AP2A2: variants seen among roughly 807,000 people sequenced by gnomAD.
The protein encoded by AP2A2 is AP-2 complex subunit alpha-2.
In AP2A2, 32 loss-of-function variants were observed where a neutral mutation model predicts 104.2. The observed-to-expected ratio is 0.31, with a 90% CI of 0.23 to 0.41. The LOEUF is 0.41. Among genes scored for constraint, AP2A2 ranks in the 10% least tolerant of loss-of-function variants. AP2A2 has a pLI of 1.00. For missense variants in AP2A2, 912 were observed against 1,261.0 expected, an observed-to-expected ratio of 0.72 and a Z score of 4.19; for synonymous variants, 539 against 533.3, an observed-to-expected ratio of 1.01 and a Z score of -0.15.
At chr11:990,379 T>C (rs1013482941) in intron 10 of AP2A2, among the ~76,000 whole-genome samples, 8 of 152,104 alleles carry the variant, frequency 5.3e-5, no homozygotes, top group Non-Finnish European at 1.2e-4. Flanking sequence ...TGTGGCCTGG[T>C]GTCAGCACTT....
At chr11:949,710 G>A (rs1009891305) in intron 1 of AP2A2, among the ~76,000 whole-genome samples, 3 of 151,606 alleles carry the variant, frequency 2.0e-5, no homozygotes, top group South Asian at 2.1e-4. Context: ...GGGAGGCGGT[G>A]TTGGCAGTGA....
chr11:988,295 G>A (rs1001757768), intron 9 of AP2A2, among the ~76,000 whole-genome samples: 8 of 152,312 alleles, frequency 5.3e-5, no homozygotes, highest in Non-Finnish European at 8.8e-5. Context: ...AGGCATGGAC[G>A]AGCGGGCAGA....
chr11:1,004,851 C>T (rs778696369), intron 16 of AP2A2, among the ~76,000 whole-genome samples: 1 of 152,152 alleles, frequency 6.6e-6, no homozygotes, highest in African/African-American at 2.4e-5. Context: ...AAAAGAGTGT[C>T]TGCAGGGCGT....
At chr11:977,268 C>G (rs909796731) in intron 5 of AP2A2, 44 bp downstream of exon 5, 3 of 1,540,230 alleles carry the variant, frequency 1.9e-6, no homozygotes, top group Non-Finnish European at 1.8e-6. Flanking sequence ...CCCAGGTGAC[C>G]TTTGGGATGG....
intron 10 of AP2A2, among the ~76,000 whole-genome samples, chr11:989,441 G>A (rs552865078): frequency 1.2e-4 from 18 of 152,298 alleles, no homozygotes; most frequent in South Asian, 1.0e-3. Flanking sequence ...AGCCGTCTGC[G>A]CTGGGGCTGC....
At chr11:931,465 A>G (rs1853289305) in intron 1 of AP2A2, among the ~76,000 whole-genome samples, 1 of 152,226 alleles carries the variant, frequency 6.6e-6, no homozygotes, top group Non-Finnish European at 1.5e-5. Flanking sequence ...TGACTGCAAA[A>G]CAATCAGGAC....
At chr11:952,798 G>A (rs759127244) in intron 1 of AP2A2, among the ~76,000 whole-genome samples, 3 of 152,206 alleles carry the variant, frequency 2.0e-5, no homozygotes, top group South Asian at 2.1e-4. Context: ...GCTCCTCCCC[G>A]CTTCTCCTCA....
intron 6 of AP2A2, among the ~76,000 whole-genome samples, chr11:983,843 A>G (rs1855355109): frequency 6.6e-6 from 1 of 152,208 alleles, no homozygotes; most frequent in Non-Finnish European, 1.5e-5. Context: ...GTGTCACGGA[A>G]GTGCTGTGAT....
At chr11:938,193 C>T (rs1404869186) in intron 1 of AP2A2, among the ~76,000 whole-genome samples, 1 of 152,238 alleles carries the variant, frequency 6.6e-6, no homozygotes, top group African/African-American at 2.4e-5. Context: ...CCGGCTGGTG[C>T]CGCACGAAGG....
chr11:987,669 A>T (rs1222029714), intron 9 of AP2A2, among the ~76,000 whole-genome samples: 2 of 151,880 alleles, frequency 1.3e-5, no homozygotes, highest in African/African-American at 4.8e-5. Context: ...AAAAAAAAAA[A>T]TTTCAGAGTT....
chr11:959,416 G>C (rs1242735859), intron 1 of AP2A2, 21 bp from the exon 2 acceptor site: 2 of 1,464,058 alleles, frequency 1.4e-6, no homozygotes, highest in Non-Finnish European at 1.9e-6. Context: ...AATAAAAATG[G>C]CTTTTTGTTC....
At chr11:939,058 C>T (rs1215820902) in intron 1 of AP2A2, among the ~76,000 whole-genome samples, 1 of 151,652 alleles carries the variant, frequency 6.6e-6, no homozygotes, top group Non-Finnish European at 1.5e-5. Flanking sequence ...TTGAGACCAG[C>T]CTGGCCAATA....
intron 5 of AP2A2, among the ~76,000 whole-genome samples, chr11:979,363 G>A (rs1260313357): frequency 6.6e-6 from 1 of 151,770 alleles, no homozygotes; most frequent in Non-Finnish European, 1.5e-5. Flanking sequence ...AAATCCGTTA[G>A]CACTTTGCTC....
intron 2 of AP2A2, among the ~76,000 whole-genome samples, chr11:963,711 C>T (rs1854517997): frequency 6.6e-6 from 1 of 152,204 alleles, no homozygotes; most frequent in Admixed American, 6.5e-5. Context: ...CAGCCTCAAC[C>T]CCCCGGGCTC....
At chr11:954,548 ATGTG>A (rs1391410625) in intron 1 of AP2A2, among the ~76,000 whole-genome samples, 1 of 151,394 alleles carries the variant, frequency 6.6e-6, no homozygotes, top group African/African-American at 2.4e-5. Flanking sequence ...ATTTGTATTT[ATGTG>A]TGTTTGTAAA....
chr11:976,067 C>T (rs1318987482), intron 4 of AP2A2, among the ~76,000 whole-genome samples: 1 of 152,202 alleles, frequency 6.6e-6, no homozygotes, highest in Non-Finnish European at 1.5e-5. Flanking sequence ...TCATGGGGTC[C>T]TGAAGCCGCC....
chr11:932,445 C>T (rs1356412652), intron 1 of AP2A2, among the ~76,000 whole-genome samples: 1 of 152,216 alleles, frequency 6.6e-6, no homozygotes. Flanking sequence ...GATTTTCGTG[C>T]AGACGAGTGA....
At chr11:985,719 C>A in intron 8 of AP2A2, 137 bp downstream of exon 8, 1 of 1,272,634 alleles carries the variant, frequency 7.9e-7, no homozygotes, top group Non-Finnish European at 1.1e-6. Flanking sequence ...GTGCTCCCTG[C>A]CGGATGCTTT....
At chr11:979,784 C>G (rs1936243125) in intron 5 of AP2A2, among the ~76,000 whole-genome samples, 1 of 152,172 alleles carries the variant, frequency 6.6e-6, no homozygotes, top group African/African-American at 2.4e-5. Flanking sequence ...CCAGGCTGGT[C>G]TTGAGCTCCT....
Sources: gnomAD v4.1 joint callset for allele counts (sites outside exome capture counted in the v4.1 genomes callset) on GRCh38, gnomAD v4.1.1 for gene constraint, MANE v1.5 for transcripts, NCBI Gene and HGNC (gene_info 2026-07-23, HGNC 2026-07-21) for gene names.